Variants in RBFOX1 observed in about 807,000 individuals in gnomAD.
The protein encoded by RBFOX1 is RNA binding protein fox-1 homolog 1.
RBFOX1 carries 8 observed loss-of-function variants against 57.7 expected under a neutral mutation model. The ratio of observed to expected loss-of-function variants is 0.14; its 90% confidence interval spans 0.08 to 0.25. RBFOX1 has a LOEUF of 0.25. Ranked by LOEUF, RBFOX1 falls within the 10% of genes least tolerant of loss-of-function variation. RBFOX1 has a pLI of 1.00. For synonymous variants in RBFOX1, 326 were observed against 222.4 expected (o/e 1.47, Z -4.15); for missense variants, 611 against 548.5 (o/e 1.11, Z -1.14).
intron 4 of RBFOX1, among the ~76,000 whole-genome samples, chr16:7,496,757 AAAC>A (rs1347766326): frequency 6.6e-6 from 1 of 151,718 alleles, no homozygotes; most frequent in African/African-American, 2.4e-5. Flanking sequence ...GAAAAAAAAA[AAAC>A]AGTTTGCATT....
intron 9 of RBFOX1, among the ~76,000 whole-genome samples, chr16:7,605,973 C>T (rs772929572): frequency 2.0e-5 from 3 of 151,962 alleles, no homozygotes; most frequent in Non-Finnish European, 2.9e-5. Flanking sequence ...TTAGTTGTTA[C>T]TACTTTGTAT....
At chr16:6,495,624 T>G (rs574955407) in intron 2 of RBFOX1, among the ~76,000 whole-genome samples, 67 of 152,356 alleles carry the variant, frequency 4.4e-4, no homozygotes, top group African/African-American at 1.5e-3. Flanking sequence ...AGCTCTGCCT[T>G]AAAGCTTGCT....
chr16:5,280,365 G>A (rs2063241210), intron 1 of RBFOX1, among the ~76,000 whole-genome samples: 2 of 152,124 alleles, frequency 1.3e-5, no homozygotes, highest in African/African-American at 4.8e-5. Flanking sequence ...TTTTCCATCT[G>A]TGTGTATTCG....
At chr16:6,630,664 T>C (rs117008474) in intron 2 of RBFOX1, among the ~76,000 whole-genome samples, 1,927 of 152,318 alleles carry the variant, frequency 0.013, 20 homozygotes, top group Non-Finnish European at 0.018. Flanking sequence ...GTAATACTTA[T>C]ATTCCCTACA....
At chr16:6,823,897 G>T (rs1379151746) in intron 3 of RBFOX1, among the ~76,000 whole-genome samples, 1 of 152,126 alleles carries the variant, frequency 6.6e-6, no homozygotes, top group Non-Finnish European at 1.5e-5. Flanking sequence ...CTGCAAAAAG[G>T]AGCATGCTGG....
chr16:7,562,955 G>A (rs1601876071), intron 5 of RBFOX1, among the ~76,000 whole-genome samples: 1 of 152,186 alleles, frequency 6.6e-6, no homozygotes, highest in Non-Finnish European at 1.5e-5. Context: ...GAGAGCTGTT[G>A]CATCTTCTTT....
intron 3 of RBFOX1, among the ~76,000 whole-genome samples, chr16:6,655,321 C>G (rs1336451435): frequency 2.3e-5 from 3 of 132,824 alleles, no homozygotes; most frequent in Non-Finnish European, 4.6e-5. Flanking sequence ...CTGCAGTGAG[C>G]CAAAATTGCA....
At chr16:5,892,418 A>C (rs991798973) in intron 4 of RBFOX1, among the ~76,000 whole-genome samples, 1 of 152,152 alleles carries the variant, frequency 6.6e-6, no homozygotes, top group Non-Finnish European at 1.5e-5. Flanking sequence ...TATATGCCTC[A>C]GTCTCCTCAT....
intron 4 of RBFOX1, among the ~76,000 whole-genome samples, chr16:7,212,028 T>C (rs1213330351): frequency 1.2e-4 from 19 of 152,002 alleles, no homozygotes; most frequent in Admixed American, 1.1e-3. Context: ...TGAGTCACGG[T>C]TTCTGGAAAA....
intron 2 of RBFOX1, among the ~76,000 whole-genome samples, chr16:6,320,707 G>T (rs191966739): frequency 8.5e-5 from 13 of 152,132 alleles, no homozygotes; most frequent in African/African-American, 3.1e-4. Context: ...GCAAGTGAAC[G>T]CTTGAAATGT....
chr16:6,120,078 G>A (rs1412958583), intron 1 of RBFOX1, among the ~76,000 whole-genome samples: 1 of 152,140 alleles, frequency 6.6e-6, no homozygotes, highest in Non-Finnish European at 1.5e-5. Flanking sequence ...TTAGTATAGA[G>A]TTTTTTTGAA....
rs138191627 is a variant in RBFOX1, at chr16:6,907,268, C to G, written c.-15-144789C>G. Among the ~76,000 whole-genome samples the G allele has an allele frequency of 5.3e-5, 8 of 152,268 alleles. No homozygotes were observed. In the East Asian group the frequency reaches 1.4e-3, roughly 26 times the overall value. On this transcript the variant is annotated intron_variant, in intron 3 of 15. Transcript: ENST00000550418. Reference sequence around the variant, plus strand: ...CCCCCGAAGCAAAGCGTTTGTAGTGCTGACAGTGAGAGTCATCTTTACCGA... The same window carrying G: ...CCCCCGAAGCAAAGCGTTTGTAGTGGTGACAGTGAGAGTCATCTTTACCGA...
rs542509384 is a variant in RBFOX1 at position 7,189,810 on chromosome 16, T to C, written c.27+137712T>C. Among the ~76,000 whole-genome samples the C allele has an allele frequency of 3.9e-5, 6 of 152,340 alleles. 1 individual carries two copies. The South Asian group carries it at 1.2e-3, about 32-fold the overall frequency. ...ATCCAGCAAGTAAGTTTTCTTTCTT[T>C]CCTCCAGCTTTCTGGAAGAATCTGT... On this transcript the variant is annotated intron_variant, in intron 4 of 15. Transcript: ENST00000550418.
intron 4 of RBFOX1, among the ~76,000 whole-genome samples, chr16:7,312,131 G>T (rs1222448785): frequency 6.6e-6 from 1 of 152,246 alleles, no homozygotes; most frequent in Non-Finnish European, 1.5e-5. Flanking sequence ...TGTAATCCCA[G>T]CACTTTAGGA....
chr16:7,534,011 A>G (rs76873175), intron 5 of RBFOX1, among the ~76,000 whole-genome samples: 6,193 of 151,970 alleles, frequency 0.041, 189 homozygotes, highest in East Asian at 0.12. Context: ...TGTTCCAAAT[A>G]GTGGCACCAG....
chr16:5,885,779 G>A (rs1567669974), intron 4 of RBFOX1, among the ~76,000 whole-genome samples: 1 of 152,114 alleles, frequency 6.6e-6, no homozygotes, highest in Non-Finnish European at 1.5e-5. Flanking sequence ...AACCTTCACT[G>A]GGCATCTGCA....
chr16:6,642,585 T>G (rs925656653), intron 2 of RBFOX1, among the ~76,000 whole-genome samples: 3 of 151,612 alleles, frequency 2.0e-5, no homozygotes, highest in Non-Finnish European at 4.4e-5. Context: ...TGTCCTCTCA[T>G]AACCACACTC....
At chr16:7,460,493 A>T (rs1033334247) in intron 4 of RBFOX1, among the ~76,000 whole-genome samples, 3 of 146,358 alleles carry the variant, frequency 2.0e-5, no homozygotes, top group African/African-American at 7.5e-5. Flanking sequence ...TATGCCTTAT[A>T]TATAATATAT....
chr16:6,898,811 C>T (rs1011638512), intron 3 of RBFOX1, among the ~76,000 whole-genome samples: 6 of 150,544 alleles, frequency 4.0e-5, no homozygotes, highest in African/African-American at 1.5e-4. Context: ...GTATAACGTG[C>T]ATGTGTATAA....
Sources: allele counts gnomAD v4.1 joint callset (sites outside exome capture counted in the v4.1 genomes callset), GRCh38; gene constraint gnomAD v4.1.1; transcripts MANE v1.5; gene names NCBI Gene and HGNC (gene_info 2026-07-23, HGNC 2026-07-21).